The following COL5A2 variants were observed in gnomAD, a reference collection of about 807,000 sequenced individuals.
COL5A2 encodes the protein collagen type V alpha 2 chain, also known as collagen alpha-2(V) chain.
In COL5A2, 23 loss-of-function variants were observed where a neutral mutation model predicts 208.2. The observed-to-expected ratio is 0.11, with a 90% CI of 0.08 to 0.16. The LOEUF (loss-of-function observed/expected upper bound fraction) is 0.16. COL5A2 is among the 10% of genes least tolerant of loss of function. The pLI is 1.00. For synonymous variants in COL5A2, 625 were observed against 628.5 expected, an observed-to-expected ratio of 0.99 and a Z score of 0.08; for missense variants, 1,590 against 1,956.4, an observed-to-expected ratio of 0.81 and a Z score of 3.53.
the COL5A2 span, among the ~76,000 whole-genome samples, chr2:189,406,464 G>T: frequency 1.3e-5 from 2 of 152,160 alleles, no homozygotes; most frequent in South Asian, 4.1e-4. Flanking sequence ...TGGTTTTAGT[G>T]TATTTTTCCT....
At chr2:189,355,932 G>C in the COL5A2 span, among the ~76,000 whole-genome samples, 5,546 of 152,206 alleles carry the variant, frequency 0.036, 117 homozygotes, top group Admixed American at 0.05. Context: ...TCCTTTCCAT[G>C]TTTAGTGTTT....
chr2:189,327,107 T>C, the COL5A2 span, among the ~76,000 whole-genome samples: 2 of 150,942 alleles, frequency 1.3e-5, no homozygotes, highest in African/African-American at 4.9e-5. Flanking sequence ...AAATAAAAAA[T>C]AATGAAAAAA....
At position 189,094,588 on chromosome 2, in the gene COL5A2, GACACACACACACACACACAC is replaced by G. The variant is rs1175370532; in HGVS notation, c.457-2188_457-2169del. Among the ~76,000 whole-genome samples the G allele has an allele frequency of 7.7e-4, 9 of 11,684 alleles. No homozygotes were observed. In the East Asian group the frequency reaches 0.014, roughly 18 times the overall value. The allele number at this position is 11,684 out of a possible 152,430, so 7.7% of individuals were successfully genotyped here. On this transcript the variant is annotated intron_variant, in intron 6 of 53. Transcript: ENST00000374866. ...TTTCTCTCTCTCTCTCTTTCTCTCT[GACACACACACACACACACAC>G]ACACACACACACACACACACACACA... is the stretch of plus-strand genomic sequence containing the variant.
At chr2:189,156,946 A>T (rs1688259492) in intron 1 of COL5A2, among the ~76,000 whole-genome samples, 1 of 151,990 alleles carries the variant, frequency 6.6e-6, no homozygotes, top group African/African-American at 2.4e-5. Flanking sequence ...TCTATTGACA[A>T]AATGGTAAAT....
rs574148843 is a variant in COL5A2 at position 189,043,157 on chromosome 2, G to T, written c.3465C>A (p.Gly1155=). 6.8e-6 allele frequency: 11 copies of T among 1,611,722 alleles called. No individual in the cohort carries two copies. The highest frequency in any genetic ancestry group is 8.5e-6 in the Non-Finnish European group (10 of 1,178,152). ...ACTTAAAGGAATAACTTACAGGAGG[G>T]CCAGGAAGACCCTGAAGACCAGTAA... ...RGFTGLQGLP[G]PPGPNGEQGS... Residue 1155 remains glycine, a synonymous_variant, in exon 48 of 54, where the codon GGC becomes GGA. Coordinates refer to ENST00000374866, the MANE Select transcript of COL5A2 (RefSeq NM_000393.5).
At chr2:189,357,527 C>T in the COL5A2 span, among the ~76,000 whole-genome samples, 633 of 152,088 alleles carry the variant, frequency 4.2e-3, 7 homozygotes, top group African/African-American at 0.014. Context: ...AGGGTAAAAC[C>T]GCCTACTCAA....
At chr2:189,046,552 T>G (rs926806585) in intron 45 of COL5A2, among the ~76,000 whole-genome samples, 1 of 152,156 alleles carries the variant, frequency 6.6e-6, no homozygotes, top group Non-Finnish European at 1.5e-5. Flanking sequence ...AAGAGGCTCC[T>G]TTTTATTTTA....
chr2:189,355,931 T>C, the COL5A2 span, among the ~76,000 whole-genome samples: 1 of 152,206 alleles, frequency 6.6e-6, no homozygotes, highest in African/African-American at 2.4e-5. Flanking sequence ...TTCCTTTCCA[T>C]GTTTAGTGTT....
At chr2:189,240,571 G>T in the COL5A2 span, among the ~76,000 whole-genome samples, 1 of 152,178 alleles carries the variant, frequency 6.6e-6, no homozygotes, top group African/African-American at 2.4e-5. Context: ...ATGAGATCAT[G>T]CCTGTAAAGT....
the COL5A2 span, among the ~76,000 whole-genome samples, chr2:189,342,445 T>C: frequency 6.7e-6 from 1 of 148,262 alleles, no homozygotes; most frequent in Non-Finnish European, 1.5e-5. Flanking sequence ...TATATATGTA[T>C]AGATATGCTT....
intron 1 of COL5A2, among the ~76,000 whole-genome samples, chr2:189,174,000 C>T (rs1688629106): frequency 6.6e-6 from 1 of 152,180 alleles, no homozygotes; most frequent in African/African-American, 2.4e-5. Context: ...CATGTCCATA[C>T]ATTTTAAGAA....
rs1357358474 is a variant in COL5A2, at chr2:189,053,005, T to A, written c.2567A>T (p.Gln856Leu). The A allele has an allele frequency of 6.2e-7, 1 of 1,613,980 alleles. No individual in the cohort carries two copies. The highest frequency in any genetic ancestry group is 1.1e-5 in the South Asian group (1 of 91,080). ...GFAGPQGPDG[Q>L]PGVKGEPGEP... Reference sequence around the variant, plus strand: ...TCCAGGTTCACCTTTTACTCCAGGCTGTCCGTCAGGACCCTATAAAAAATT... The same window carrying A: ...TCCAGGTTCACCTTTTACTCCAGGCAGTCCGTCAGGACCCTATAAAAAATT... Residue 856 changes from glutamine (Q) to leucine (L), a missense_variant, in exon 39 of 54, where the codon CAG becomes CTG. Coordinates refer to ENST00000374866, the MANE Select transcript of COL5A2 (RefSeq NM_000393.5).
chr2:189,295,191 C>T, the COL5A2 span, among the ~76,000 whole-genome samples: 1 of 152,130 alleles, frequency 6.6e-6, no homozygotes, highest in African/African-American at 2.4e-5. Context: ...AAAGCATGTT[C>T]CTCTGAATAT....
At chr2:189,096,865 CG>C (rs1315415183) in intron 6 of COL5A2, among the ~76,000 whole-genome samples, 1 of 152,064 alleles carries the variant, frequency 6.6e-6, no homozygotes, top group African/African-American at 2.4e-5. Flanking sequence ...GTGAAAAAGG[CG>C]GAGTGCTACC....
chr2:189,187,177 C>T (rs1049124959), intron 1 of COL5A2, among the ~76,000 whole-genome samples: 2 of 152,278 alleles, frequency 1.3e-5, no homozygotes, highest in African/African-American at 4.8e-5. Flanking sequence ...CTTACAATAA[C>T]TCAGTGAAAT....
chr2:189,050,938 C>T (rs930349434), intron 42 of COL5A2, among the ~76,000 whole-genome samples: 6 of 151,950 alleles, frequency 3.9e-5, no homozygotes, highest in Admixed American at 3.3e-4. Flanking sequence ...GAGGTAACTT[C>T]AGAGAAATAT....
intron 6 of COL5A2, 67 bp downstream of exon 6, chr2:189,097,210 A>G (rs1211241772): frequency 6.7e-7 from 1 of 1,488,070 alleles, no homozygotes. Flanking sequence ...TTCTTGCTGC[A>G]TTCAGAGAAC....
the COL5A2 span, among the ~76,000 whole-genome samples, chr2:189,245,442 A>G: frequency 6.6e-6 from 1 of 151,478 alleles, no homozygotes; most frequent in Non-Finnish European, 1.5e-5. Context: ...TATGCCTACT[A>G]TATCTGTTTT....
intron 51 of COL5A2, among the ~76,000 whole-genome samples, chr2:189,038,666 T>C (rs1011412740): frequency 6.6e-5 from 10 of 152,080 alleles, no homozygotes; most frequent in African/African-American, 2.4e-4. Flanking sequence ...AAGCATTCCC[T>C]TTTCTCCAAA....
Sources: allele counts gnomAD v4.1 joint callset (sites outside exome capture counted in the v4.1 genomes callset), GRCh38; gene constraint gnomAD v4.1.1; transcripts MANE v1.5; gene names NCBI Gene and HGNC (gene_info 2026-07-23, HGNC 2026-07-21).